The following EYA1 variants were observed in gnomAD, a reference collection of about 807,000 sequenced individuals.
EYA1 encodes protein phosphatase EYA1.
In EYA1, 16 loss-of-function variants were observed where a neutral mutation model predicts 82.0. The observed-to-expected ratio is 0.20, with a 90% CI of 0.13 to 0.30. The LOEUF is 0.30. Among genes scored for constraint, EYA1 ranks in the 10% least tolerant of loss-of-function variants. The pLI, the probability that EYA1 is intolerant of heterozygous loss-of-function variation, is 1.00. For missense variants in EYA1, 633 were observed against 730.7 expected (o/e 0.87, Z 1.54); for synonymous variants, 261 against 264.4 (o/e 0.99, Z 0.12).
intron 2 of EYA1, among the ~76,000 whole-genome samples, chr8:71,436,339 G>A (rs915124511): frequency 3.3e-5 from 5 of 152,020 alleles, no homozygotes; most frequent in Non-Finnish European, 7.4e-5. Context: ...GAACATACCC[G>A]AAGAGAGAAT....
intron 2 of EYA1, among the ~76,000 whole-genome samples, chr8:71,438,424 C>T (rs983550768): frequency 2.0e-5 from 3 of 151,886 alleles, no homozygotes; most frequent in African/African-American, 7.3e-5. Flanking sequence ...ACACCTACTA[C>T]CCTATACATA....
Position 71,356,521 on chromosome 8 carries a change from G to A in EYA1, c.-54-10C>T, listed in dbSNP as rs753833101. The A allele has an allele frequency of 1.3e-6, 2 of 1,565,474 alleles. No individual in the cohort carries two copies. The highest frequency in any genetic ancestry group is 2.7e-5 in the African/African-American group (2 of 73,718). On this transcript the variant is annotated splice_polypyrimidine_tract_variant and intron_variant, in intron 1 of 17. Transcript: ENST00000340726. Reference sequence around the variant, plus strand: ...CTTGAGATGTTTGCACCTGTGATCAGGGGTAAAAAAATTAGAAGATGTTGT... The same window carrying A: ...CTTGAGATGTTTGCACCTGTGATCAAGGGTAAAAAAATTAGAAGATGTTGT...
intron 2 of EYA1, among the ~76,000 whole-genome samples, chr8:71,394,814 T>C (rs1829491832): frequency 6.6e-6 from 1 of 152,192 alleles, no homozygotes; most frequent in African/African-American, 2.4e-5. Flanking sequence ...AGTAGTTTTT[T>C]CCAATTCTGT....
intron 2 of EYA1, among the ~76,000 whole-genome samples, chr8:71,514,197 AT>A (rs1812800769): frequency 6.6e-6 from 1 of 152,156 alleles, no homozygotes; most frequent in Non-Finnish European, 1.5e-5. Context: ...TTAGTTAAAA[AT>A]AACTTACTTT....
At chr8:71,431,167 A>G (rs1458650781) in intron 2 of EYA1, among the ~76,000 whole-genome samples, 1 of 152,150 alleles carries the variant, frequency 6.6e-6, no homozygotes, top group Non-Finnish European at 1.5e-5. Flanking sequence ...GTCCTCTGTT[A>G]AGTGCAAAGA....
At chr8:71,501,323 T>C (rs1811791251) in intron 2 of EYA1, among the ~76,000 whole-genome samples, 1 of 152,204 alleles carries the variant, frequency 6.6e-6, no homozygotes, top group African/African-American at 2.4e-5. Flanking sequence ...GCCCAGATGA[T>C]GAAAAAGCAC....
chr8:71,491,311 T>G (rs1185288306), intron 2 of EYA1, among the ~76,000 whole-genome samples: 1 of 152,190 alleles, frequency 6.6e-6, no homozygotes, highest in Non-Finnish European at 1.5e-5. Context: ...CTGAACTCTG[T>G]AGTTACGTGC....
In EYA1 at chr8:71,334,008, T is replaced by C. The variant is rs191103802; in HGVS notation, c.202+89A>G. ...ATACCCACATATATACACATATACA[T>C]GTATACATATACATACACAGGGACA... is the stretch of plus-strand genomic sequence containing the variant. On this transcript the variant is annotated intron_variant, in intron 4 of 17. Transcript: ENST00000340726. 395 of 878,436 alleles carry C rather than the reference T, an allele frequency of 4.5e-4. 3 individuals are homozygous for C. In the African/African-American group the frequency reaches 5.2e-3, roughly 12 times the overall value. 54.4% of individuals were successfully genotyped at this position (878,436 alleles called of 1,614,324 possible).
chr8:71,389,417 C>T (rs1829147409), intron 2 of EYA1, among the ~76,000 whole-genome samples: 1 of 152,022 alleles, frequency 6.6e-6, no homozygotes, highest in Non-Finnish European at 1.5e-5. Flanking sequence ...TGAAATGAGA[C>T]CTGAAATTCA....
chr8:71,447,167 C>A (rs1481684226), intron 2 of EYA1, among the ~76,000 whole-genome samples: 1 of 151,594 alleles, frequency 6.6e-6, no homozygotes, highest in African/African-American at 2.4e-5. Flanking sequence ...CTCTCTTTAT[C>A]TTTTATCACT....
chr8:71,416,511 G>T (rs1246473200), intron 2 of EYA1, among the ~76,000 whole-genome samples: 1 of 152,002 alleles, frequency 6.6e-6, no homozygotes, highest in Non-Finnish European at 1.5e-5. Flanking sequence ...AAAAATAAGA[G>T]GAAAAAAATG....
chr8:71,417,460 A>G (rs1297465515), intron 2 of EYA1, among the ~76,000 whole-genome samples: 1 of 152,208 alleles, frequency 6.6e-6, no homozygotes, highest in Non-Finnish European at 1.5e-5. Flanking sequence ...GCCTACTAAA[A>G]GTTTTTTTTA....
intron 2 of EYA1, among the ~76,000 whole-genome samples, chr8:71,389,022 A>G (rs2129107520): frequency 6.6e-6 from 1 of 151,880 alleles, no homozygotes; most frequent in South Asian, 2.1e-4. Context: ...ACGCCTGCCA[A>G]TCTGCTTGCT....
chr8:71,482,697 T>A lies in EYA1; in HGVS notation c.33+53047A>T, dbSNP rs530039209. Among the ~76,000 whole-genome samples, 5 of 152,054 alleles carry A rather than the reference T, an allele frequency of 3.3e-5. No individual in the cohort carries two copies. The South Asian group carries it at 1.0e-3, about 32-fold the overall frequency. Reference sequence around the variant, plus strand: ...CATATAATGGAATACTACACAGCAATGAAAAGAATGAACTACTGACATACA... The same window carrying A: ...CATATAATGGAATACTACACAGCAAAGAAAAGAATGAACTACTGACATACA... On this transcript the variant is annotated intron_variant, in intron 2 of 18. Transcript: ENST00000643681.
intron 11 of EYA1, among the ~76,000 whole-genome samples, chr8:71,261,754 T>C (rs62506565): frequency 0.021 from 3,169 of 152,222 alleles, 51 homozygotes; most frequent in Non-Finnish European, 0.034. Flanking sequence ...CCTGGCCAAA[T>C]TGGCTTCAAC....
intron 2 of EYA1, among the ~76,000 whole-genome samples, chr8:71,474,478 G>A (rs1220232510): frequency 6.6e-6 from 1 of 152,076 alleles, no homozygotes; most frequent in Non-Finnish European, 1.5e-5. Context: ...ATGTTGTTTT[G>A]CAAAAGCTTC....
chr8:71,285,049 T>C (rs966617102), intron 9 of EYA1, among the ~76,000 whole-genome samples: 6 of 152,240 alleles, frequency 3.9e-5, no homozygotes, highest in African/African-American at 9.6e-5. Flanking sequence ...TATATCTCCA[T>C]AGAACCCAAT....
In EYA1 at chr8:71,299,624, G is replaced by A. The variant is rs775548082; in HGVS notation, c.639+14C>T. 8 of 1,451,552 alleles carry A rather than the reference G, an allele frequency of 5.5e-6. No homozygotes were observed. The highest frequency in any genetic ancestry group is 1.4e-5 in the African/African-American group (1 of 71,704). The allele number at this position is 1,451,552 out of a possible 1,614,324, so 89.9% of individuals were successfully genotyped here. On this transcript the variant is annotated intron_variant, in intron 8 of 17. Transcript: ENST00000340726. ...AAGATATTTTTCAGAAGTTAAACTGGCTTTTTAAATTACCTGCTGTGAACT... is the reference window on the plus strand; with the variant it reads ...AAGATATTTTTCAGAAGTTAAACTGACTTTTTAAATTACCTGCTGTGAACT...
intron 3 of EYA1, 93 bp downstream of exon 3, chr8:71,354,689 T>G: frequency 7.7e-7 from 1 of 1,294,850 alleles, no homozygotes; most frequent in East Asian, 2.4e-5. Flanking sequence ...AGTTTTATGA[T>G]TTTGACAACT....
Sources: gnomAD v4.1 joint callset for allele counts (sites outside exome capture counted in the v4.1 genomes callset) on GRCh38, gnomAD v4.1.1 for gene constraint, MANE v1.5 for transcripts, NCBI Gene and HGNC (gene_info 2026-07-23, HGNC 2026-07-21) for gene names.